PHAX: variants seen among roughly 807,000 people sequenced by gnomAD.
PHAX encodes phosphorylated adaptor for RNA export.
Under a neutral mutation model 41.6 loss-of-function variants are expected in PHAX, and 31 were observed. The observed-to-expected ratio is 0.75, with a 90% CI of 0.56 to 1.01. The LOEUF (loss-of-function observed/expected upper bound fraction) is 1.01, where lower values mean the gene tolerates loss of function less well. Ranked by LOEUF, PHAX falls within the 50% of genes least tolerant of loss-of-function variation. The probability of loss-of-function intolerance (pLI) is 0.00; values close to 1 mark genes in which losing one functional copy is unlikely to be tolerated. For missense variants in PHAX, 453 were observed against 472.9 expected (o/e 0.96, Z 0.39); for synonymous variants, 175 against 164.9 (o/e 1.06, Z -0.47).
chr5:126,619,422 A>G (rs1166476257), intron 4 of PHAX, among the ~76,000 whole-genome samples: 1 of 152,048 alleles, frequency 6.6e-6, no homozygotes, highest in East Asian at 1.9e-4. Flanking sequence ...TACTCAATAC[A>G]AAAATTAACC....
At chr5:126,615,994 G>A (rs1752178130) in intron 3 of PHAX, among the ~76,000 whole-genome samples, 1 of 149,666 alleles carries the variant, frequency 6.7e-6, no homozygotes, top group South Asian at 2.1e-4. Context: ...GACATGAGGT[G>A]TGAATCCAAC....
At chr5:126,612,435 C>T (rs531835527) in intron 3 of PHAX, among the ~76,000 whole-genome samples, 1 of 152,198 alleles carries the variant, frequency 6.6e-6, no homozygotes, top group South Asian at 2.1e-4. Flanking sequence ...CGTGGTGGCT[C>T]ACACCTGTAA....
intron 3 of PHAX, among the ~76,000 whole-genome samples, chr5:126,608,708 G>A (rs1289254135): frequency 2.6e-5 from 4 of 151,884 alleles, no homozygotes; most frequent in South Asian, 4.1e-4. Flanking sequence ...AGGCTGAGGC[G>A]GGCCGATCAC....
At chr5:126,604,273 C>CTTTTT in intron 2 of PHAX, 90 bp downstream of exon 2, 2 of 791,604 alleles carry the variant, frequency 2.5e-6, no homozygotes, top group East Asian at 3.8e-5. Flanking sequence ...ATGATATGTT[C>CTTTTT]CTTTTTTTTT....
intron 1 of PHAX, 128 bp from the exon 2 acceptor site, chr5:126,603,442 G>A (rs1320265321): frequency 5.0e-6 from 5 of 1,005,678 alleles, no homozygotes; most frequent in Non-Finnish European, 7.4e-6. Flanking sequence ...AACTTGATTG[G>A]TCTCAGATTT....
rs1752022499 is a variant in PHAX, at chr5:126,608,430, T to C, written c.777T>C (p.Ile259=). The change falls in exon 3 of 5, where the codon ATT becomes ATC. Residue 259 remains isoleucine, a synonymous_variant. Coordinates refer to ENST00000297540, the MANE Select transcript of PHAX (RefSeq NM_032177.4). ...GGATTATTGGTAACAAAAAGGCAAT[T>C]GAACTTCTGATGGAAACCGCTGAAG... The part of the protein sequence containing the change: ...VVRIIGNKKA[I]ELLMETAEVE... The C allele has an allele frequency of 6.2e-7, 1 of 1,614,018 alleles. No individual in the cohort carries two copies. Among genetic ancestry groups the C allele is most frequent in the Non-Finnish European group, 8.5e-7 (1 of 1,179,904 alleles).
chr5:126,601,142 A>T, intron 1 of PHAX, 84 bp downstream of exon 1: 6 of 895,738 alleles, frequency 6.7e-6, no homozygotes, highest in South Asian at 1.4e-5. Context: ...GGTGAGGGTG[A>T]GGGGTGGGAG....
At chr5:126,601,327 T>G (rs1270537205) in intron 1 of PHAX, among the ~76,000 whole-genome samples, 1 of 151,842 alleles carries the variant, frequency 6.6e-6, no homozygotes, top group East Asian at 1.9e-4. Context: ...GGCTGCTCCC[T>G]GCGAGGCGGG....
At chr5:126,610,085 A>T (rs571829819) in intron 3 of PHAX, among the ~76,000 whole-genome samples, 33 of 152,332 alleles carry the variant, frequency 2.2e-4, no homozygotes, top group Non-Finnish European at 4.4e-4. Flanking sequence ...AAGTACAAAT[A>T]GGTATACAGT....
intron 2 of PHAX, among the ~76,000 whole-genome samples, chr5:126,607,876 C>G (rs1289302846): frequency 6.6e-6 from 1 of 151,634 alleles, no homozygotes; most frequent in Non-Finnish European, 1.5e-5. Flanking sequence ...TTATTATAAT[C>G]ATAATAAGCC....
intron 1 of PHAX, 60 bp from the exon 2 acceptor site, chr5:126,603,510 A>T: frequency 6.6e-7 from 1 of 1,521,926 alleles, no homozygotes; most frequent in East Asian, 2.3e-5. Flanking sequence ...AATTTTTAAA[A>T]ATTAGGTAGG....
At position 126,625,887 on chromosome 5, in the gene PHAX, GAC is replaced by G. The variant is rs1752341380; in HGVS notation, c.*1044_*1045del. ...AGCTGATTTTTGTATTTTTAGTAAA[GAC>G]TTTCGCCATGTTGTCCAGGCTGGTC... On this transcript the variant is annotated 3_prime_UTR_variant, in exon 5 of 5. Coordinates refer to ENST00000297540, the MANE Select transcript of PHAX (RefSeq NM_032177.4). 1 of 152,072 alleles carries G rather than the reference GAC, an allele frequency of 6.6e-6. No homozygotes were observed. Among genetic ancestry groups the G allele is most frequent in the African/African-American group, 2.4e-5 (1 of 41,422 alleles). 9.4% of individuals were successfully genotyped at this position (152,072 alleles called of 1,614,324 possible).
chr5:126,617,470 A>T (rs944528284), intron 4 of PHAX, 137 bp downstream of exon 4: 1 of 526,840 alleles, frequency 1.9e-6, no homozygotes, highest in South Asian at 2.8e-5. Flanking sequence ...AGTAACATTT[A>T]TGCCTTTTAT....
intron 1 of PHAX, among the ~76,000 whole-genome samples, chr5:126,602,820 C>T (rs757103951): frequency 6.6e-6 from 1 of 151,930 alleles, no homozygotes; most frequent in African/African-American, 2.4e-5. Context: ...CTGGCTAACG[C>T]GGTGAAACCC....
At chr5:126,612,467 A>G (rs1424711888) in intron 3 of PHAX, among the ~76,000 whole-genome samples, 2 of 152,158 alleles carry the variant, frequency 1.3e-5, no homozygotes, top group Non-Finnish European at 1.5e-5. Context: ...TGGGAGACCG[A>G]GGTGGGCGGA....
chr5:126,624,290 T>C (rs1752313761), intron 4 of PHAX, among the ~76,000 whole-genome samples: 1 of 152,148 alleles, frequency 6.6e-6, no homozygotes, highest in African/African-American at 2.4e-5. Context: ...ATTACAGGCA[T>C]GAGTCACCAT....
At chr5:126,612,253 A>G (rs1484418285) in intron 3 of PHAX, among the ~76,000 whole-genome samples, 3 of 152,184 alleles carry the variant, frequency 2.0e-5, no homozygotes, top group Non-Finnish European at 2.9e-5. Context: ...CAAGGGGCCA[A>G]TGTGGCAGGA....
chr5:126,602,689 C>G (rs191472503), intron 1 of PHAX, among the ~76,000 whole-genome samples: 2 of 152,082 alleles, frequency 1.3e-5, no homozygotes, highest in Non-Finnish European at 1.5e-5. Flanking sequence ...AACTTAATGC[C>G]GTGGACTCTG....
intron 2 of PHAX, among the ~76,000 whole-genome samples, chr5:126,606,286 C>A (rs935082469): frequency 6.6e-6 from 1 of 152,090 alleles, no homozygotes; most frequent in South Asian, 2.1e-4. Context: ...ACCTCCGCCT[C>A]CTGGGTTCAA....
Sources: allele counts gnomAD v4.1 joint callset (sites outside exome capture counted in the v4.1 genomes callset), GRCh38; gene constraint gnomAD v4.1.1; transcripts MANE v1.5; gene names NCBI Gene and HGNC (gene_info 2026-07-23, HGNC 2026-07-21).